The following SPATA31C2 variants were observed in gnomAD, a reference collection of about 807,000 sequenced individuals.
SPATA31C2 encodes SPATA31 subfamily C member 2, also known as spermatogenesis-associated protein 31C2.
In SPATA31C2, 5 loss-of-function variants were observed where a neutral mutation model predicts 11.4. The ratio of observed to expected loss-of-function variants is 0.44; its 90% CI spans 0.23 to 0.92. The LOEUF (loss-of-function observed/expected upper bound fraction) is 0.92. Ranked by LOEUF, SPATA31C2 falls within the 40% of genes least tolerant of loss-of-function variation. The probability of loss-of-function intolerance (pLI) is 0.24; values close to 1 mark genes in which losing one functional copy is unlikely to be tolerated. For synonymous variants in SPATA31C2, 515 were observed against 538.7 expected (o/e 0.96, Z 0.61); for missense variants, 1,353 against 1,368.6 (o/e 0.99, Z 0.18).
In SPATA31C2 at chr9:88,132,027, A is replaced by G. The variant is rs761658205; in HGVS notation, c.1010T>C (p.Ile337Thr). The change falls in exon 4 of 4, where the codon ATT becomes ACT. Residue 337 changes from isoleucine (I) to threonine (T), a missense_variant. Transcript: ENST00000324915. Reference sequence around the variant, plus strand: ...GGGCCAGAATTGGGGTGTGGATGAAATAAAGGGTTGGGACTCAGGCTCCAG... The same window carrying G: ...GGGCCAGAATTGGGGTGTGGATGAAGTAAAGGGTTGGGACTCAGGCTCCAG... ...SHLEPESQPFISSTPQFWPTP... is the reference protein window; with the variant it reads ...SHLEPESQPFTSSTPQFWPTP... The G allele has an allele frequency of 3.7e-6, 6 of 1,610,828 alleles. No individual in the cohort carries two copies. The African/African-American group carries it at 8.0e-5, about 22-fold the overall frequency.
In SPATA31C2 at chr9:88,132,388, G is replaced by A. The variant is rs1415633822; in HGVS notation, c.649C>T (p.Pro217Ser). The A allele has an allele frequency of 1.9e-6, 3 of 1,611,066 alleles. No individual in the cohort carries two copies. The highest frequency in any genetic ancestry group is 1.7e-6 in the Non-Finnish European group (2 of 1,178,092). ...GGCGGAGAGCAGGCCAGAGGATCAG[G>A]AGTGCGTGGTGGGTGAGGGAAAAGT... ...PALFPHPPRT[P>S]DPLACSPPPP... Residue 217 changes from proline (P) to serine (S), a missense_variant, in exon 4 of 4, where the codon CCT (proline) becomes TCT (serine). Transcript: ENST00000324915.
In SPATA31C2 at chr9:88,132,001, T is replaced by C; in HGVS notation, c.1036A>G (p.Thr346Ala). Residue 346 changes from threonine (T) to alanine (A), a missense_variant, in exon 4 of 4, where the codon ACA (threonine) becomes GCA (alanine). This residue lies in a region of SPATA31C2 where 1,075 missense variants were observed against 992.8 expected (regional missense o/e 1.08). Coordinates refer to ENST00000324915, the MANE Select transcript of SPATA31C2 (RefSeq NM_001350978.3). The part of the protein sequence containing the change: ...FISSTPQFWP[T>A]PMAQAEAQAH... ...TGAGCCTCGGCCTGAGCCATAGGTGTGGGCCAGAATTGGGGTGTGGATGAA... is the reference window on the plus strand; with the variant it reads ...TGAGCCTCGGCCTGAGCCATAGGTGCGGGCCAGAATTGGGGTGTGGATGAA... 1 of 1,610,870 alleles carries C rather than the reference T, an allele frequency of 6.2e-7. No homozygotes were observed. The highest frequency in any genetic ancestry group is 1.1e-5 in the South Asian group (1 of 91,022).
chr9:88,133,662 A>C lies in SPATA31C2; in HGVS notation c.197T>G (p.Leu66Arg). ...CCGCCCTGCTGGACGCTGGGAGACA[A>C]GATGACGCTGGGAGACAAGAAATGG... ...SPSPRKRKRH[L>R]VSQRPAGRRG... The change falls in exon 2 of 4, where the codon CTT becomes CGT. Residue 66 changes from leucine (L) to arginine (R), a missense_variant. Physicochemically the swap from Leu to Arg is moderately radical, Grantham distance 102. This residue lies in a region of SPATA31C2 where 67 missense variants were observed against 41.4 expected (regional missense o/e 1.62). Coordinates refer to ENST00000324915, the MANE Select transcript of SPATA31C2 (RefSeq NM_001350978.3). 6.3e-7 allele frequency: 1 copy of C among 1,596,290 alleles called. No individual in the cohort carries two copies.
At chr9:88,133,240 A>C (rs1825630056) in intron 2 of SPATA31C2, among the ~76,000 whole-genome samples, 1 of 36,008 alleles carries the variant, frequency 2.8e-5, no homozygotes, top group East Asian at 1.5e-3. Context: ...CTCCACCCCC[A>C]CGGTCCTCAC....
intron 1 of SPATA31C2, among the ~76,000 whole-genome samples, chr9:88,136,150 G>A (rs1298152065): frequency 7.3e-5 from 10 of 137,534 alleles, no homozygotes; most frequent in African/African-American, 1.6e-4. Flanking sequence ...GGCCAGGATG[G>A]TCTTGTTCTC....
rs755259256 is a variant in SPATA31C2, at chr9:88,131,603, C to T, written c.1434G>A (p.Gly478=). ...DLMQLQDELP[G]TSQAKGKPRP... ...TGGGTTTGCCCTTGGCCTGACTTGT[C>T]CCTGGCAATTCATCCTGAAGCTGCA... Residue 478 remains glycine (G), a synonymous_variant, in exon 4 of 4, where the codon GGG becomes GGA. Transcript: ENST00000324915. 15 of 1,611,794 alleles carry T rather than the reference C, an allele frequency of 9.3e-6. No individual in the cohort carries two copies. The Admixed American group carries it at 2.3e-4, about 25-fold the overall frequency.
Position 88,131,923 on chromosome 9 carries a change from T to A in SPATA31C2, c.1114A>T (p.Met372Leu). 1.2e-6 allele frequency: 2 copies of A among 1,610,436 alleles called. No homozygotes were observed. The highest frequency in any genetic ancestry group is 1.7e-6 in the Non-Finnish European group (2 of 1,178,300). Residue 372 changes from methionine (M) to leucine (L), a missense_variant, in exon 4 of 4, where the codon ATG becomes TTG. Physicochemically the swap from Met to Leu is conservative, Grantham distance 15. Transcript: ENST00000324915. The stretch of plus-strand genomic sequence containing the variant: ...GGGCAAGCTACTCCAGTGTTCTTCA[T>A]CGGGGATAGAAAAGCAGGAGATAGG... ...PVLSPAFLSP[M>L]KNTGVACPAS...
Position 88,131,370 on chromosome 9 carries a change from C to A in SPATA31C2, c.1667G>T (p.Arg556Met). The A allele has an allele frequency of 6.2e-7, 1 of 1,611,988 alleles. No individual in the cohort carries two copies. The highest frequency in any genetic ancestry group is 1.1e-5 in the South Asian group (1 of 90,990). Residue 556 changes from arginine to methionine, a missense_variant, in exon 4 of 4, where the codon AGG becomes ATG. By Grantham distance (91) the Arg-to-Met change is moderately conservative. Coordinates refer to ENST00000324915, the MANE Select transcript of SPATA31C2 (RefSeq NM_001350978.3). ...TAATAAATCACTTCCTGAGTCACTC[C>A]TCAAGGGCTTCCTCAGGTTCCTTTC... ...ESERNLRKPL[R>M]SDSGSDLLRR...
intron 1 of SPATA31C2, among the ~76,000 whole-genome samples, chr9:88,136,249 T>C (rs1378854392): frequency 1.2e-3 from 169 of 144,286 alleles, no homozygotes; most frequent in Middle Eastern, 6.8e-3. Context: ...CTTATTTTAA[T>C]GTCTCTCTGG....
At position 88,134,492 on chromosome 9, in the gene SPATA31C2, A is replaced by G. The variant is rs1166669540; in HGVS notation, c.190-823T>C. On this transcript the variant is annotated intron_variant, in intron 1 of 3. Transcript: ENST00000324915. ...CATGACCAGAGACCTCCCCCGTCTCATGACCGGTCCTGGCCGCTGAGCCCA... is the reference window on the plus strand; with the variant it reads ...CATGACCAGAGACCTCCCCCGTCTCGTGACCGGTCCTGGCCGCTGAGCCCA... 2.0e-5 allele frequency among the ~76,000 whole-genome samples: 3 copies of G among 147,680 alleles called. No homozygotes were observed. The East Asian group carries it at 7.8e-4, about 38-fold the overall frequency.
In SPATA31C2 at chr9:88,138,314, AG is replaced by A; in HGVS notation, c.132del (p.Tyr45ThrfsTer38). 7.2e-7 allele frequency: 1 copy of A among 1,396,790 alleles called. No individual in the cohort carries two copies. Among genetic ancestry groups the A allele is most frequent in the Non-Finnish European group, 9.5e-7 (1 of 1,056,504 alleles). 86.5% of individuals were successfully genotyped at this position (1,396,790 alleles called of 1,614,324 possible). A position where few individuals can be genotyped will look rare whatever the true frequency, so the allele number is the denominator to read the frequency against. The stretch of plus-strand genomic sequence containing the variant: ...TTGTCACAACGGAGGTAAGAGAAGT[AG>A]GGGAGTAATAGGAAGAAGAACCCCA... ...FALGFFFLLL[P>X]YFSYLRCDNP... On this transcript the variant is annotated frameshift_variant, in exon 1 of 4. Transcript: ENST00000324915. LOFTEE classifies it high-confidence loss of function.
rs1386413288 is a variant in SPATA31C2 at position 88,138,039 on chromosome 9, C to CA, written c.189+218_189+219insT. Among the ~76,000 whole-genome samples, 2 of 95,164 alleles carry CA rather than the reference C, an allele frequency of 2.1e-5. 1 individual carries two copies. Among genetic ancestry groups the CA allele is most frequent in the Non-Finnish European group, 3.7e-5 (2 of 54,194 alleles). 62.4% of individuals were successfully genotyped at this position (95,164 alleles called of 152,430 possible). A position where few individuals can be genotyped will look rare whatever the true frequency, so the allele number is the denominator to read the frequency against. On this transcript the variant is annotated intron_variant, in intron 1 of 3. Coordinates refer to ENST00000324915, the MANE Select transcript of SPATA31C2 (RefSeq NM_001350978.3). Reference sequence around the variant, plus strand: ...TGATTTTGCCTTCATGCCTCCTGCGCTCCCCCACAGATGGACTGAGAGCTT... The same window carrying CA: ...TGATTTTGCCTTCATGCCTCCTGCGCATCCCCCACAGATGGACTGAGAGCTT...
intron 1 of SPATA31C2, among the ~76,000 whole-genome samples, chr9:88,137,464 A>C (rs1460440499): frequency 2.7e-5 from 4 of 145,990 alleles, no homozygotes; most frequent in Non-Finnish European, 6.0e-5. Context: ...TCTACTAAAA[A>C]TACAAAAATT....
rs767333370 is a variant in SPATA31C2, at chr9:88,133,010, C to T, written c.282G>A (p.Pro94=). The T allele has an allele frequency of 5.2e-6, 7 of 1,355,912 alleles. No homozygotes were observed. Among genetic ancestry groups the T allele is most frequent in the East Asian group, 3.1e-5 (1 of 32,550 alleles). 84.0% of individuals were successfully genotyped at this position (1,355,912 alleles called of 1,614,324 possible). Residue 94 remains proline, a synonymous_variant, in exon 3 of 4, where the codon CCG becomes CCA. Transcript: ENST00000324915. ...GGTCCCAAGTCTCCTCCAGGCCTCT[C>T]GGGCACTCTCTACAAGCTGGAAATC... is the stretch of plus-strand genomic sequence containing the variant. The part of the protein sequence containing the change: ...NHSLRACREC[P]RGLEETWDLL...
At position 88,129,745 on chromosome 9, in the gene SPATA31C2, G is replaced by A. The variant is rs1396506326; in HGVS notation, c.3292C>T (p.His1098Tyr). The change falls in exon 4 of 4, where the codon CAC becomes TAC. Residue 1098 changes from histidine to tyrosine, a missense_variant. His to Tyr is a moderately conservative substitution (Grantham distance 83). Around this residue, in one of 6 missense-constraint regions of SPATA31C2, gnomAD observed 187 missense variants for 205.8 expected, o/e 0.91. Transcript: ENST00000324915. ...CTGCTGTGTTCTGAGTAGAACGGGTGTCTGTGGTTGCAGGGAAACCCACAG... is the reference window on the plus strand; with the variant it reads ...CTGCTGTGTTCTGAGTAGAACGGGTATCTGTGGTTGCAGGGAAACCCACAG... ...PVCGFPCNHR[H>Y]PFYSEHSRML... The A allele has an allele frequency of 5.0e-6, 8 of 1,603,884 alleles. No individual in the cohort carries two copies. The highest frequency in any genetic ancestry group is 3.4e-5 in the Admixed American group (2 of 59,512).
At position 88,129,553 on chromosome 9, in the gene SPATA31C2, A is replaced by C; in HGVS notation, c.*79T>G. 1 of 1,600,094 alleles carries C rather than the reference A, an allele frequency of 6.2e-7. No homozygotes were observed. The highest frequency in any genetic ancestry group is 1.7e-4 in the Middle Eastern group (1 of 5,880). On this transcript the variant is annotated 3_prime_UTR_variant, in exon 4 of 4. Transcript: ENST00000324915. ...CGGTGCTGAGGGGGACTGACTGGGGATACAGCTTTCTTGGGGAGCAAGAGT... is the reference window on the plus strand; with the variant it reads ...CGGTGCTGAGGGGGACTGACTGGGGCTACAGCTTTCTTGGGGAGCAAGAGT...
In SPATA31C2 at chr9:88,137,905, C is replaced by A. The variant is rs1462667334; in HGVS notation, c.189+353G>T. Among the ~76,000 whole-genome samples the A allele has an allele frequency of 2.9e-5, 3 of 103,254 alleles. 1 individual carries two copies. The highest frequency in any genetic ancestry group is 5.0e-5 in the Non-Finnish European group (3 of 60,230). The allele number at this position is 103,254 out of a possible 152,430, so 67.7% of individuals were successfully genotyped here. A position where few individuals can be genotyped will look rare whatever the true frequency, so the allele number is the denominator to read the frequency against. On this transcript the variant is annotated intron_variant, in intron 1 of 3. Transcript: ENST00000324915. ...GGGACTGATGAGCCAGGGCTCAGGG[C>A]CTGGCCTCGGACAGAGACCTCCCAT...
rs1825574979 is a variant in SPATA31C2, at chr9:88,130,713, T to C, written c.2324A>G (p.Tyr775Cys). 6.2e-7 allele frequency: 1 copy of C among 1,613,760 alleles called. No individual in the cohort carries two copies. The highest frequency in any genetic ancestry group is 8.5e-7 in the Non-Finnish European group (1 of 1,179,870). The change falls in exon 4 of 4, where the codon TAC (tyrosine) becomes TGC (cysteine). Residue 775 changes from tyrosine (Y) to cysteine (C), a missense_variant. By Grantham distance (194) the Tyr-to-Cys change is radical. Coordinates refer to ENST00000324915, the MANE Select transcript of SPATA31C2 (RefSeq NM_001350978.3). ...CTGCTGGGTGCTGCCTGTGAGGCTG[T>C]ATGTGAGGGGCTTAGATGGCCACCT... ...EGRWPSKPLT[Y>C]SLTGSTQQSR...
rs1351869691 is a variant in SPATA31C2, at chr9:88,131,355, C to T, written c.1682G>A (p.Ser561Asn). 1.9e-6 allele frequency: 3 copies of T among 1,611,992 alleles called. No individual in the cohort carries two copies. In the South Asian group the frequency reaches 3.3e-5, roughly 18 times the overall value. The change falls in exon 4 of 4, where the codon AGT (serine) becomes AAT (asparagine). Residue 561 changes from serine to asparagine, a missense_variant. Coordinates refer to ENST00000324915, the MANE Select transcript of SPATA31C2 (RefSeq NM_001350978.3). ...LRKPLRSDSGSDLLRRTERNH... is the reference protein window; with the variant it reads ...LRKPLRSDSGNDLLRRTERNH... ...CCTCTCTGTGCGTCTTAATAAATCA[C>T]TTCCTGAGTCACTCCTCAAGGGCTT...
Sources: gnomAD v4.1 joint callset for allele counts (sites outside exome capture counted in the v4.1 genomes callset) on GRCh38, gnomAD v4.1.1 for gene constraint, gnomAD v4.1.1 regional missense constraint, MANE v1.5 for transcripts, NCBI Gene and HGNC (gene_info 2026-07-23, HGNC 2026-07-21) for gene names.